DPP8: variants seen among roughly 807,000 people sequenced by gnomAD.
DPP8 encodes the protein DPP VIII.
DPP8 carries 31 observed loss-of-function variants against 107.5 expected under a neutral mutation model. That is an observed-to-expected ratio of 0.29 (90% confidence interval 0.22 to 0.39). DPP8 has a LOEUF of 0.39. DPP8 is among the 10% of genes least tolerant of loss of function. DPP8 has a pLI of 1.00. For missense variants in DPP8, 842 were observed against 1,076.1 expected, an observed-to-expected ratio of 0.78 and a Z score of 3.04; for synonymous variants, 381 against 356.6, an observed-to-expected ratio of 1.07 and a Z score of -0.77.
intron 12 of DPP8, among the ~76,000 whole-genome samples, chr15:65,472,691 G>C (rs564147324): frequency 6.6e-6 from 1 of 152,168 alleles, no homozygotes; most frequent in South Asian, 2.1e-4. Context: ...CTTTTGCTAG[G>C]CTCTAAAACT....
chr15:65,493,454 G>T (rs958949524), intron 5 of DPP8, among the ~76,000 whole-genome samples: 3 of 152,110 alleles, frequency 2.0e-5, no homozygotes, highest in African/African-American at 7.2e-5. Flanking sequence ...CAAATACCTT[G>T]CAATCATATA....
chr15:65,506,324 C>T (rs550657160), intron 3 of DPP8, among the ~76,000 whole-genome samples: 2 of 150,736 alleles, frequency 1.3e-5, no homozygotes, highest in African/African-American at 2.4e-5. Flanking sequence ...TGCAAAACTC[C>T]GTCTCAAAAA....
intron 3 of DPP8, 148 bp from the exon 4 acceptor site, chr15:65,500,927 G>A (rs912987724): frequency 2.0e-5 from 12 of 592,592 alleles, no homozygotes; most frequent in Non-Finnish European, 3.4e-5. Flanking sequence ...ACCCAGGCTG[G>A]AGTGCAGTGG....
chr15:65,498,532 G>A (rs1053774428), intron 4 of DPP8, among the ~76,000 whole-genome samples: 1 of 151,784 alleles, frequency 6.6e-6, no homozygotes, highest in African/African-American at 2.4e-5. Flanking sequence ...AAAAAGCTAA[G>A]GGTAACAGGA....
At chr15:65,512,721 C>T in intron 1 of DPP8, 157 bp from the exon 2 acceptor site, 1 of 672,746 alleles carries the variant, frequency 1.5e-6, no homozygotes, top group South Asian at 1.9e-5. Flanking sequence ...AAAGCAACAG[C>T]TCTCCCTTCT....
intron 19 of DPP8, among the ~76,000 whole-genome samples, chr15:65,447,795 T>A (rs986082999): frequency 5.4e-4 from 82 of 152,218 alleles, no homozygotes; most frequent in African/African-American, 2.0e-3. Flanking sequence ...TTGCCAATGA[T>A]AAAATCTGGG....
In DPP8 at chr15:65,499,231, CT is replaced by C. The variant is rs909367840; in HGVS notation, c.547-1200del. On this transcript the variant is annotated intron_variant, in intron 4 of 19. Transcript: ENST00000300141. The stretch of plus-strand genomic sequence containing the variant: ...TGGGAATTGATGCCCGTTACCTTTC[CT>C]TTTTTTTTTTCTCTCTCTCTTAGTC... 8.3e-3 allele frequency among the ~76,000 whole-genome samples: 1,229 copies of C among 148,894 alleles called. 15 individuals carry two copies. Among genetic ancestry groups the C allele is most frequent in the African/African-American group, 0.028 (1,133 of 40,372 alleles).
rs572286780 is a variant in DPP8 at position 65,517,595 on chromosome 15, C to A, written c.-121G>T. On this transcript the variant is annotated 5_prime_UTR_variant, in exon 1 of 20. Coordinates refer to ENST00000300141, the MANE Select transcript of DPP8 (RefSeq NM_130434.5). ...GTCCTGGTTGCAGTGGCTTCCTCGG[C>A]GGCGGCGCCGGTGACAACCCAGGCG... 2 of 152,678 alleles carry A rather than the reference C, an allele frequency of 1.3e-5. No homozygotes were observed. Among genetic ancestry groups the A allele is most frequent in the Non-Finnish European group, 1.5e-5 (1 of 68,320 alleles). 9.5% of individuals were successfully genotyped at this position (152,678 alleles called of 1,614,324 possible).
chr15:65,511,975 A>C (rs2070843176), intron 2 of DPP8: 4 of 453,250 alleles, frequency 8.8e-6, no homozygotes, highest in South Asian at 6.9e-5. Context: ...GAGTGGGAAC[A>C]AACTAATGGT....
At chr15:65,506,823 C>T (rs1017933975) in intron 3 of DPP8, among the ~76,000 whole-genome samples, 4 of 151,240 alleles carry the variant, frequency 2.6e-5, no homozygotes, top group Admixed American at 2.6e-4. Flanking sequence ...TTTGATTTTA[C>T]ATAAATGGAA....
intron 8 of DPP8, among the ~76,000 whole-genome samples, chr15:65,483,015 T>C (rs976546116): frequency 1.3e-5 from 2 of 151,942 alleles, no homozygotes; most frequent in African/African-American, 2.4e-5. Context: ...GAGAATGGCG[T>C]GAACCCGGGA....
chr15:65,460,889 T>C (rs957105575), intron 15 of DPP8, among the ~76,000 whole-genome samples: 2 of 152,218 alleles, frequency 1.3e-5, no homozygotes, highest in Non-Finnish European at 2.9e-5. Flanking sequence ...GTTTGACATT[T>C]TGAGGAAATG....
chr15:65,478,948 A>C lies in DPP8; in HGVS notation c.1388T>G (p.Leu463Ter). 1 of 1,597,496 alleles carries C rather than the reference A, an allele frequency of 6.3e-7. No homozygotes were observed. Among genetic ancestry groups the C allele is most frequent in the Admixed American group, 1.8e-5 (1 of 56,604 alleles). The change falls in exon 11 of 20, where the codon TTA (leucine) becomes TGA (stop). Residue 463 changes from leucine to a stop codon, truncating the protein, a stop_gained. Transcript: ENST00000300141. LOFTEE classifies it high-confidence loss of function. ...CTTTAAAATAGATGTAATTTTGTAT[A>C]AATGACGGAAACCTGTTTTGCATTC... is the stretch of plus-strand genomic sequence containing the variant. ...ASECKTGFRH[L>*]YKITSILKES...
chr15:65,467,346 C>T (rs2065452371), intron 12 of DPP8, 123 bp from the exon 13 acceptor site: 1 of 885,676 alleles, frequency 1.1e-6, no homozygotes, highest in Non-Finnish European at 1.7e-6. Flanking sequence ...CTTTTTTTTG[C>T]TGCCACTATT....
At chr15:65,512,223 G>A (rs1260440289) in intron 2 of DPP8, 72 bp downstream of exon 2, 5 of 1,435,120 alleles carry the variant, frequency 3.5e-6, no homozygotes, top group Non-Finnish European at 4.8e-6. Context: ...ACTTTTGAGT[G>A]TCAATTATAC....
intron 10 of DPP8, among the ~76,000 whole-genome samples, chr15:65,479,282 C>T (rs1463338059): frequency 6.6e-6 from 1 of 151,990 alleles, no homozygotes; most frequent in Non-Finnish European, 1.5e-5. Flanking sequence ...AAAAATATGA[C>T]CAAAAGTTTT....
At position 65,450,863 on chromosome 15, in the gene DPP8, T is replaced by C. The variant is rs748088145; in HGVS notation, c.2526+136A>G. ...TTATCCAACTACAGGCACTACTAAA[T>C]ATGCCTCTTACTTTAGTTCTCTTAA... is the stretch of plus-strand genomic sequence containing the variant. On this transcript the variant is annotated intron_variant, in intron 19 of 19. Coordinates refer to ENST00000300141, the MANE Select transcript of DPP8 (RefSeq NM_130434.5). The C allele has an allele frequency of 1.3e-4, 79 of 594,898 alleles. No homozygotes were observed. In the Middle Eastern group the frequency reaches 1.3e-3, roughly 10 times the overall value. The allele number at this position is 594,898 out of a possible 1,614,324, so 36.9% of individuals were successfully genotyped here. A position where few individuals can be genotyped will look rare whatever the true frequency, so the allele number is the denominator to read the frequency against.
In DPP8 at chr15:65,507,351, C is replaced by T. The variant is rs771531382; in HGVS notation, c.264G>A (p.Met88Ile). The change falls in exon 3 of 20, where the codon ATG (methionine) becomes ATA (isoleucine). Residue 88 changes from methionine to isoleucine, a missense_variant. Coordinates refer to ENST00000300141, the MANE Select transcript of DPP8 (RefSeq NM_130434.5). ...GTGTATTTTCTCTGTTCTCACCAGA[C>T]ATGGCTATAGGAGAAAGCAATCATT... ...PHSDRIYYLA[M>I]SGENRENTLF... is the part of the protein sequence containing the mutation. The T allele has an allele frequency of 5.1e-6, 8 of 1,577,614 alleles. No individual in the cohort carries two copies. The East Asian group carries it at 1.8e-4, about 35-fold the overall frequency.
At chr15:65,450,647 A>C in intron 19 of DPP8, 1 of 159,952 alleles carries the variant, frequency 6.3e-6, no homozygotes, top group South Asian at 2.0e-4. Flanking sequence ...GGCCCTAAAA[A>C]TCCTTTTACA....
Sources: allele counts gnomAD v4.1 joint callset (sites outside exome capture counted in the v4.1 genomes callset), GRCh38; gene constraint gnomAD v4.1.1; transcripts MANE v1.5; gene names NCBI Gene and HGNC (gene_info 2026-07-23, HGNC 2026-07-21).